HMG20A: variants seen among roughly 807,000 people sequenced by gnomAD.
HMG20A encodes high mobility group protein 20A.
A neutral mutation model predicts 43.9 loss-of-function variants in HMG20A; 17 were observed. The observed-to-expected ratio is 0.39, with a 90% CI of 0.27 to 0.58. The LOEUF (loss-of-function observed/expected upper bound fraction) is 0.58. Among genes scored for constraint, HMG20A ranks in the 20% least tolerant of loss-of-function variants. HMG20A has a pLI of 0.59. For missense variants in HMG20A, 341 were observed against 438.2 expected (o/e 0.78, Z 1.98); for synonymous variants, 132 against 147.5 (o/e 0.89, Z 0.76).
downstream of HMG20A, among the ~76,000 whole-genome samples, chr15:77,490,445 A>T (rs1349141854): frequency 1.3e-5 from 2 of 152,226 alleles, no homozygotes; most frequent in Non-Finnish European, 2.9e-5. Context: ...GGGAAAAGGC[A>T]GATTAATTCA....
chr15:77,478,110 T>C lies in HMG20A; in HGVS notation c.692-185T>C, dbSNP rs2072872692. ...ATGTGACTAGCTTTAAGAATTAAAA[T>C]AGCTCTGGGGAGTCAGGCGTTTCAT... is the stretch of plus-strand genomic sequence containing the variant. On this transcript the variant is annotated intron_variant, in intron 7 of 9. Coordinates refer to ENST00000336216, the MANE Select transcript of HMG20A (RefSeq NM_001304504.2). 8.3e-6 allele frequency: 5 copies of C among 602,648 alleles called. No homozygotes were observed. The East Asian group carries it at 1.4e-4, about 17-fold the overall frequency. 37.3% of individuals were successfully genotyped at this position (602,648 alleles called of 1,614,324 possible). A position where few individuals can be genotyped will look rare whatever the true frequency, so the allele number is the denominator to read the frequency against.
rs541431216 is a variant in HMG20A at position 77,429,409 on chromosome 15, T to C, written c.-5+8405T>C. Among the ~76,000 whole-genome samples, 34 of 128,854 alleles carry C rather than the reference T, an allele frequency of 2.6e-4. No individual in the cohort carries two copies. The South Asian group carries it at 7.6e-3, about 29-fold the overall frequency. The allele number at this position is 128,854 out of a possible 152,430, so 84.5% of individuals were successfully genotyped here. The stretch of plus-strand genomic sequence containing the variant: ...TTCCAGCCTCAAAATTCATATCTCC[T>C]TTTTTTCCCCCATGTCCACATGTCC... On this transcript the variant is annotated intron_variant, in intron 1 of 9. Coordinates refer to ENST00000336216, the MANE Select transcript of HMG20A (RefSeq NM_001304504.2).
the HMG20A span, among the ~76,000 whole-genome samples, chr15:77,500,645 T>G: frequency 2.0e-5 from 3 of 151,298 alleles, no homozygotes; most frequent in Non-Finnish European, 4.4e-5. Flanking sequence ...CTTGGCTCAC[T>G]GCAACCTCCG....
Position 77,479,165 on chromosome 15 carries a change from T to G in HMG20A, c.908-14T>G, listed in dbSNP as rs776514862. On this transcript the variant is annotated splice_polypyrimidine_tract_variant and intron_variant, in intron 8 of 9. Coordinates refer to ENST00000336216, the MANE Select transcript of HMG20A (RefSeq NM_001304504.2). The stretch of plus-strand genomic sequence containing the variant: ...TAGGGAGGATTTTCTTACTTTCTTC[T>G]TATCTCACTTCAGGAAGTGGAGAGA... 2 of 1,612,884 alleles carry G rather than the reference T, an allele frequency of 1.2e-6. No individual in the cohort carries two copies. Among genetic ancestry groups the G allele is most frequent in the South Asian group, 2.2e-5 (2 of 91,024 alleles).
the HMG20A span, among the ~76,000 whole-genome samples, chr15:77,495,887 T>C: frequency 6.6e-6 from 1 of 152,188 alleles, no homozygotes; most frequent in Admixed American, 6.5e-5. Flanking sequence ...GTCCTGACCC[T>C]CCTTCCCCCA....
intron 1 of HMG20A, among the ~76,000 whole-genome samples, chr15:77,433,598 C>G (rs1207316505): frequency 6.6e-6 from 1 of 152,176 alleles, no homozygotes; most frequent in Non-Finnish European, 1.5e-5. Flanking sequence ...CTAAAAGAAT[C>G]TATAGACAAA....
chr15:77,444,672 G>C (rs1189593801), intron 1 of HMG20A, among the ~76,000 whole-genome samples: 2 of 152,218 alleles, frequency 1.3e-5, no homozygotes, highest in Non-Finnish European at 2.9e-5. Context: ...AAGGAGAAAT[G>C]TTCCTAGGAA....
intron 1 of HMG20A, among the ~76,000 whole-genome samples, chr15:77,425,276 A>G (rs565859389): frequency 6.6e-6 from 1 of 152,286 alleles, no homozygotes; most frequent in Admixed American, 6.5e-5. Flanking sequence ...AAGGCTGCAG[A>G]CTAGGTCTTA....
chr15:77,495,423 C>T, the HMG20A span, among the ~76,000 whole-genome samples: 1 of 152,158 alleles, frequency 6.6e-6, no homozygotes, highest in African/African-American at 2.4e-5. Flanking sequence ...TGGCACATGC[C>T]TTGTAGTCCC....
In HMG20A at chr15:77,478,414, G is replaced by A; in HGVS notation, c.811G>A (p.Val271Met). The change falls in exon 8 of 10, where the codon GTG (valine) becomes ATG (methionine). Residue 271 changes from valine to methionine, a missense_variant. By Grantham distance (21) the Val-to-Met change is conservative. Transcript: ENST00000336216. ...AGCAGTGGAGAAGCTGGAGGTGGAT[G>A]TGATCCAGGAGCGGAGCCGCAACAC... ...RTAVEKLEVD[V>M]IQERSRNTVL... The A allele has an allele frequency of 6.2e-7, 1 of 1,613,228 alleles. No homozygotes were observed. Among genetic ancestry groups the A allele is most frequent in the Non-Finnish European group, 8.5e-7 (1 of 1,180,048 alleles).
At chr15:77,507,830 G>A in the HMG20A span, among the ~76,000 whole-genome samples, 1 of 151,998 alleles carries the variant, frequency 6.6e-6, no homozygotes, top group Non-Finnish European at 1.5e-5. Context: ...CACAGGGGTG[G>A]GTAAAGATAG....
chr15:77,512,218 C>A, the HMG20A span, among the ~76,000 whole-genome samples: 1 of 151,948 alleles, frequency 6.6e-6, no homozygotes. Context: ...GTCAAATTCA[C>A]GGGCACAGAA....
chr15:77,517,704 C>T, the HMG20A span, among the ~76,000 whole-genome samples: 1 of 151,864 alleles, frequency 6.6e-6, no homozygotes, highest in Non-Finnish European at 1.5e-5. Flanking sequence ...GCTCTGTGGG[C>T]GACGGCATTT....
intron 4 of HMG20A, among the ~76,000 whole-genome samples, chr15:77,468,513 C>T (rs925320639): frequency 1.3e-5 from 2 of 151,968 alleles, no homozygotes; most frequent in African/African-American, 4.8e-5. Flanking sequence ...TATTCCATTT[C>T]TCCATTTGCA....
chr15:77,471,394 AT>A (rs1417956045), intron 5 of HMG20A, among the ~76,000 whole-genome samples: 2 of 152,128 alleles, frequency 1.3e-5, no homozygotes, highest in Non-Finnish European at 2.9e-5. Flanking sequence ...TAAGCCTTTC[AT>A]GTGTCATTTT....
At chr15:77,511,129 G>C in the HMG20A span, among the ~76,000 whole-genome samples, 1 of 152,218 alleles carries the variant, frequency 6.6e-6, no homozygotes. Flanking sequence ...GTGGGAGCCA[G>C]GTTTCTTGTT....
the HMG20A span, among the ~76,000 whole-genome samples, chr15:77,515,538 C>T: frequency 6.6e-6 from 1 of 152,116 alleles, no homozygotes; most frequent in East Asian, 1.9e-4. Flanking sequence ...ATCCTCCTAC[C>T]TGCTGCCTCC....
In HMG20A at chr15:77,484,484, A is replaced by G. The variant is rs1388978085; in HGVS notation, c.*1521A>G. The G allele has an allele frequency of 6.6e-6, 1 of 152,586 alleles. No individual in the cohort carries two copies. Among genetic ancestry groups the G allele is most frequent in the African/African-American group, 2.4e-5 (1 of 41,444 alleles). 9.5% of individuals were successfully genotyped at this position (152,586 alleles called of 1,614,324 possible). On this transcript the variant is annotated 3_prime_UTR_variant, in exon 10 of 10. Transcript: ENST00000336216. ...GTGCGGCCCCTCTCATAGTATGCCCATAAGTCAGGGCATAGGGCAGAACTA... is the reference window on the plus strand; with the variant it reads ...GTGCGGCCCCTCTCATAGTATGCCCGTAAGTCAGGGCATAGGGCAGAACTA...
At chr15:77,493,354 A>C in the HMG20A span, among the ~76,000 whole-genome samples, 1 of 152,242 alleles carries the variant, frequency 6.6e-6, no homozygotes, top group South Asian at 2.1e-4. Context: ...CACAAAAACC[A>C]GCTTTCATTG....
Sources: allele counts gnomAD v4.1 joint callset (sites outside exome capture counted in the v4.1 genomes callset), GRCh38; gene constraint gnomAD v4.1.1; transcripts MANE v1.5; gene names NCBI Gene and HGNC (gene_info 2026-07-23, HGNC 2026-07-21).